Variants in ERBIN observed in about 807,000 individuals in gnomAD.
ERBIN encodes densin-180-like protein.
In ERBIN, 60 loss-of-function variants were observed where a neutral mutation model predicts 158.4. The observed-to-expected ratio is 0.38, with a 90% CI of 0.31 to 0.47. ERBIN has a LOEUF of 0.47. ERBIN is among the 20% of genes least tolerant of loss of function. The probability of loss-of-function intolerance (pLI) is 0.99; values close to 1 mark genes in which losing one functional copy is unlikely to be tolerated. For missense variants in ERBIN, 1,610 were observed against 1,648.0 expected (o/e 0.98, Z 0.40); for synonymous variants, 594 against 557.2 (o/e 1.07, Z -0.93).
At chr5:65,956,792 C>G (rs1349334130) in intron 1 of ERBIN, among the ~76,000 whole-genome samples, 1 of 152,118 alleles carries the variant, frequency 6.6e-6, no homozygotes, top group East Asian at 1.9e-4. Context: ...TTTTTTCACC[C>G]TGAAGCACAA....
At chr5:65,993,199 C>T (rs1160187669) in intron 3 of ERBIN, among the ~76,000 whole-genome samples, 6 of 152,138 alleles carry the variant, frequency 3.9e-5, no homozygotes, top group Non-Finnish European at 8.8e-5. Context: ...TTTCTGGAGT[C>T]AGTAGATTTA....
intron 21 of ERBIN, 114 bp from the exon 22 acceptor site, chr5:66,072,055 T>C (rs1561457400): frequency 1.9e-6 from 2 of 1,075,444 alleles, no homozygotes; most frequent in East Asian, 2.7e-5. Context: ...GATTTGGGTC[T>C]TCATCTTTGC....
chr5:65,966,873 A>G (rs1288525492), intron 1 of ERBIN, among the ~76,000 whole-genome samples: 6 of 152,084 alleles, frequency 3.9e-5, no homozygotes, highest in South Asian at 2.1e-4. Flanking sequence ...CTGACCCTGT[A>G]TAGGCCTAGG....
intron 24 of ERBIN, 43 bp from the exon 25 acceptor site, chr5:66,076,832 A>G: frequency 7.0e-7 from 1 of 1,420,864 alleles, no homozygotes; most frequent in Non-Finnish European, 9.9e-7. Flanking sequence ...TCTGTTATTT[A>G]TACATACTGT....
intron 1 of ERBIN, among the ~76,000 whole-genome samples, chr5:65,934,018 T>C (rs1743767846): frequency 6.6e-6 from 1 of 152,122 alleles, no homozygotes; most frequent in Admixed American, 6.5e-5. Flanking sequence ...TGCCTCAGCC[T>C]CCCAAGTAGC....
Position 65,965,383 on chromosome 5 carries a change from T to G in ERBIN, c.-57-23252T>G, listed in dbSNP as rs1450030807. On this transcript the variant is annotated intron_variant, in intron 1 of 25. Transcript: ENST00000284037. The stretch of plus-strand genomic sequence containing the variant: ...TTCTTACCAGATTTGTTTTTTGTTG[T>G]TTTTTTTTTTTTTTTTTTTTTTTTT... 6.9e-4 allele frequency among the ~76,000 whole-genome samples: 3 copies of G among 4,352 alleles called. 1 individual carries two copies. The highest frequency in any genetic ancestry group is 1.3e-3 in the African/African-American group (3 of 2,276). The allele number at this position is 4,352 out of a possible 152,430, so 2.9% of individuals were successfully genotyped here.
Position 66,075,028 on chromosome 5 carries a change from C to T in ERBIN, c.3761C>T (p.Pro1254Leu). The T allele has an allele frequency of 6.2e-7, 1 of 1,614,008 alleles. No individual in the cohort carries two copies. ...GATACTTCATGTTTTTCTTAGATGCCTTTGAGTAATGGACAGATGGGCCAG... is the reference window on the plus strand; with the variant it reads ...GATACTTCATGTTTTTCTTAGATGCTTTTGAGTAATGGACAGATGGGCCAG... Reference protein sequence around the residue: ...DVPPDSLMKMPLSNGQMGQPL... With the variant: ...DVPPDSLMKMLLSNGQMGQPL... Residue 1254 changes from proline (P) to leucine (L), a missense_variant, in exon 23 of 26, where the codon CCT (proline) becomes CTT (leucine). Coordinates refer to ENST00000284037, the MANE Select transcript of ERBIN (RefSeq NM_001253697.2).
At chr5:66,059,869 T>G (rs530434304) in intron 21 of ERBIN, among the ~76,000 whole-genome samples, 1 of 152,310 alleles carries the variant, frequency 6.6e-6, no homozygotes, top group African/African-American at 2.4e-5. Context: ...GAACCAGCCT[T>G]GCATCCCAGG....
rs1359097552 is a variant in ERBIN at position 66,080,472 on chromosome 5, G to T, written c.*1942G>T. On this transcript the variant is annotated 3_prime_UTR_variant, in exon 26 of 26. Transcript: ENST00000284037. The stretch of plus-strand genomic sequence containing the variant: ...AAAATTCACTTATTGTATGTGTGTT[G>T]TAATCTAAAAAAAAAAAGAATGACA... 2 of 146,730 alleles carry T rather than the reference G, an allele frequency of 1.4e-5. No homozygotes were observed. Among genetic ancestry groups the T allele is most frequent in the African/African-American group, 5.3e-5 (2 of 37,904 alleles). The allele number at this position is 146,730 out of a possible 1,614,324, so 9.1% of individuals were successfully genotyped here. A position where few individuals can be genotyped will look rare whatever the true frequency, so the allele number is the denominator to read the frequency against.
intron 1 of ERBIN, among the ~76,000 whole-genome samples, chr5:65,972,522 T>G (rs991358980): frequency 1.3e-5 from 2 of 151,478 alleles, no homozygotes; most frequent in African/African-American, 4.9e-5. Context: ...ATTTAAAGAA[T>G]ATTTGTTACT....
intron 1 of ERBIN, among the ~76,000 whole-genome samples, chr5:65,975,361 A>G (rs1012260434): frequency 6.6e-6 from 1 of 152,154 alleles, no homozygotes; most frequent in African/African-American, 2.4e-5. Flanking sequence ...GCTGTAGTAC[A>G]GTGGCGCAAT....
At chr5:66,020,557 T>C (rs887228090) in intron 7 of ERBIN, among the ~76,000 whole-genome samples, 2 of 151,992 alleles carry the variant, frequency 1.3e-5, no homozygotes, top group African/African-American at 4.8e-5. Flanking sequence ...TATTAAATAA[T>C]AGGTGTTGTA....
chr5:65,957,652 C>G (rs1747346666), intron 1 of ERBIN, among the ~76,000 whole-genome samples: 1 of 152,242 alleles, frequency 6.6e-6, no homozygotes, highest in South Asian at 2.1e-4. Context: ...ATTTCTCTAT[C>G]CTTTCCCCAC....
rs1554053523 is a variant in ERBIN at position 65,987,395 on chromosome 5, C to CACACACACACACAA, written c.-57-1240_-57-1239insACACACACACACAA. On this transcript the variant is annotated intron_variant, in intron 1 of 25. Coordinates refer to ENST00000284037, the MANE Select transcript of ERBIN (RefSeq NM_001253697.2). ...ACACACACACACACACACACACACA[C>CACACACACACACAA]GAAAAAAGAAAAACAGGTTAGCTGG... Among the ~76,000 whole-genome samples, 144 of 151,278 alleles carry CACACACACACACAA rather than the reference C, an allele frequency of 9.5e-4. 1 individual carries two copies. The highest frequency in any genetic ancestry group is 3.4e-3 in the African/African-American group (142 of 41,168).
chr5:66,019,788 C>T (rs1204889271), intron 7 of ERBIN, among the ~76,000 whole-genome samples: 1 of 152,044 alleles, frequency 6.6e-6, no homozygotes, highest in Non-Finnish European at 1.5e-5. Context: ...AACTGTTATG[C>T]CATTGACATT....
intron 3 of ERBIN, 109 bp from the exon 4 acceptor site, chr5:65,994,638 A>T (rs938142527): frequency 1.2e-5 from 7 of 601,612 alleles, no homozygotes; most frequent in Non-Finnish European, 2.0e-5. Context: ...TCCTGGTATT[A>T]GTGTAGGTTA....
chr5:65,943,378 C>T (rs183373994), intron 1 of ERBIN, among the ~76,000 whole-genome samples: 29 of 152,284 alleles, frequency 1.9e-4, no homozygotes, highest in Non-Finnish European at 3.7e-4. Context: ...TGTATTGAAT[C>T]TTTGGAAGCA....
At chr5:65,958,819 C>CTT (rs750475219) in intron 1 of ERBIN, among the ~76,000 whole-genome samples, 27 of 152,280 alleles carry the variant, frequency 1.8e-4, no homozygotes, top group Non-Finnish European at 3.7e-4. Context: ...TCAACACTTT[C>CTT]TTATAAAATA....
At chr5:66,051,012 A>C (rs760419084) in intron 20 of ERBIN, 46 bp downstream of exon 20, 44 of 1,276,882 alleles carry the variant, frequency 3.4e-5, no homozygotes, top group Non-Finnish European at 1.5e-5. Context: ...AATAAATAGA[A>C]GTAGTAAGGC....
Sources: allele counts gnomAD v4.1 joint callset (sites outside exome capture counted in the v4.1 genomes callset), GRCh38; gene constraint gnomAD v4.1.1; transcripts MANE v1.5; gene names NCBI Gene and HGNC (gene_info 2026-07-23, HGNC 2026-07-21).